The following CHM variants were observed in gnomAD, a reference collection of about 807,000 sequenced individuals.
CHM encodes rab proteins geranylgeranyltransferase component A 1.
Under a neutral mutation model 49.0 loss-of-function variants are expected in CHM, and 10 were observed. That is an observed-to-expected ratio of 0.20 (90% CI 0.13 to 0.35). The LOEUF (loss-of-function observed/expected upper bound fraction) is 0.35, where lower values mean the gene tolerates loss of function less well. Among genes scored for constraint, CHM ranks in the 10% least tolerant of loss-of-function variants. The pLI, the probability that CHM is intolerant of heterozygous loss-of-function variation, is 1.00. For synonymous variants in CHM, 184 were observed against 167.5 expected (o/e 1.10, Z -0.76); for missense variants, 455 against 478.4 (o/e 0.95, Z 0.46).
intron 8 of CHM, among the ~76,000 whole-genome samples, chrX:85,938,979 A>G (rs1468170982): frequency 1.8e-5 from 2 of 112,080 alleles, no homozygotes; most frequent in Admixed American, 1.9e-4. Context: ...AGATTCTAAT[A>G]CTGTATTTTT....
chrX:86,004,538 T>C (rs1020551718), intron 2 of CHM, among the ~76,000 whole-genome samples: 2 of 110,963 alleles, frequency 1.8e-5, no homozygotes, highest in South Asian at 3.8e-4. Context: ...AAGACGCACA[T>C]AGACTCAAAA....
At chrX:85,988,674 T>C (rs954448523) in intron 2 of CHM, among the ~76,000 whole-genome samples, 2 of 111,340 alleles carry the variant, frequency 1.8e-5, no homozygotes, top group African/African-American at 6.5e-5. Flanking sequence ...AAACCAATGT[T>C]CAAAAATCCC....
intron 2 of CHM, among the ~76,000 whole-genome samples, chrX:86,024,694 A>G (rs1344988183): frequency 8.9e-6 from 1 of 112,431 alleles, no homozygotes; most frequent in Non-Finnish European, 1.9e-5. Context: ...GATATAAGTG[A>G]AATTATGTTT....
chrX:85,951,223 T>C (rs1022089240), intron 8 of CHM, among the ~76,000 whole-genome samples: 15 of 111,337 alleles, frequency 1.3e-4, no homozygotes, highest in African/African-American at 4.9e-4. Flanking sequence ...GGAGAGATGA[T>C]CTAAATATAA....
intron 8 of CHM, among the ~76,000 whole-genome samples, chrX:85,926,972 G>A (rs1168297222): frequency 2.7e-5 from 3 of 111,637 alleles, no homozygotes; most frequent in African/African-American, 9.8e-5. Context: ...CTTTTCAGAA[G>A]TTTTGGAGAG....
intron 12 of CHM, among the ~76,000 whole-genome samples, chrX:85,883,977 C>T (rs971314343): frequency 6.4e-5 from 7 of 110,021 alleles, no homozygotes; most frequent in Non-Finnish European, 1.3e-4. Flanking sequence ...AAATGAATGT[C>T]GAATGGAAGG....
chrX:85,898,464 C>T (rs761061431), intron 11 of CHM, among the ~76,000 whole-genome samples: 47 of 111,634 alleles, frequency 4.2e-4, no homozygotes, highest in Non-Finnish European at 7.9e-4. Context: ...CTCTCCCTCT[C>T]TACTGGCTTC....
chrX:86,008,742 A>G (rs947291526), intron 2 of CHM, among the ~76,000 whole-genome samples: 1 of 111,518 alleles, frequency 9.0e-6, no homozygotes, highest in Non-Finnish European at 1.9e-5. Flanking sequence ...CTCTGTTGGA[A>G]CTAGTCAACA....
chrX:85,945,063 A>G (rs928316341), intron 8 of CHM, among the ~76,000 whole-genome samples: 1 of 111,404 alleles, frequency 9.0e-6, no homozygotes, highest in African/African-American at 3.3e-5. Flanking sequence ...TCTCACTTAT[A>G]AGTGGGAGCT....
At chrX:85,891,756 G>A (rs1925476347) in intron 12 of CHM, among the ~76,000 whole-genome samples, 2 of 112,127 alleles carry the variant, frequency 1.8e-5, no homozygotes, top group Non-Finnish European at 1.9e-5. Flanking sequence ...GCCTAGTGGA[G>A]CTGTGAGAAG....
chrX:85,876,790 T>C (rs759195314), intron 13 of CHM, among the ~76,000 whole-genome samples: 2 of 111,526 alleles, frequency 1.8e-5, no homozygotes, highest in South Asian at 7.6e-4. Context: ...CATTTCAAAA[T>C]GGGATCACTT....
chrX:86,021,125 C>CATATATATATAT (rs1569254991), intron 2 of CHM, among the ~76,000 whole-genome samples: 147 of 19,956 alleles, frequency 7.4e-3, no homozygotes, highest in Non-Finnish European at 8.8e-3. Context: ...TGTGTATATA[C>CATATATATATAT]GTATATATAT....
At chrX:85,928,319 G>C (rs1255238947) in intron 8 of CHM, among the ~76,000 whole-genome samples, 1 of 111,855 alleles carries the variant, frequency 8.9e-6, no homozygotes, top group Non-Finnish European at 1.9e-5. Context: ...GAGGCAGGCA[G>C]ATAATCTGAG....
intron 8 of CHM, among the ~76,000 whole-genome samples, chrX:85,941,232 G>A (rs1209989638): frequency 8.9e-6 from 1 of 111,749 alleles, no homozygotes; most frequent in Non-Finnish European, 1.9e-5. Flanking sequence ...ATTAGGCCCA[G>A]AGAACAATTC....
intron 1 of CHM, among the ~76,000 whole-genome samples, chrX:86,040,499 C>T (rs1934417995): frequency 1.8e-5 from 2 of 112,515 alleles, no homozygotes; most frequent in Admixed American, 1.9e-4. Flanking sequence ...GCTCCCTTCA[C>T]AAGTCCCATG....
At chrX:85,900,778 C>A (rs1926221575) in intron 10 of CHM, 69 bp from the exon 11 acceptor site, 2 of 763,582 alleles carry the variant, frequency 2.6e-6, no homozygotes, top group Admixed American at 2.5e-5. Flanking sequence ...AGTTATATAA[C>A]CACCAGAAGG....
intron 2 of CHM, among the ~76,000 whole-genome samples, chrX:86,024,641 T>C (rs1284617065): frequency 1.8e-5 from 2 of 111,853 alleles, no homozygotes; most frequent in Non-Finnish European, 3.8e-5. Flanking sequence ...GAAATGACAG[T>C]GGCATAAAGA....
intron 9 of CHM, among the ~76,000 whole-genome samples, chrX:85,902,535 A>AT (rs955250504): frequency 9.0e-6 from 1 of 110,972 alleles, no homozygotes; most frequent in Admixed American, 9.6e-5. Flanking sequence ...TATTTACATG[A>AT]TTTTTTTCCA....
At chrX:85,951,849 A>C (rs56404074) in intron 8 of CHM, among the ~76,000 whole-genome samples, 25,319 of 111,803 alleles carry the variant, frequency 0.23, 2,169 homozygotes, top group Middle Eastern at 0.26. Flanking sequence ...GTCAATGCCA[A>C]CCCTCCCCAA....
Sources: allele counts gnomAD v4.1 joint callset (sites outside exome capture counted in the v4.1 genomes callset), GRCh38; gene constraint gnomAD v4.1.1; transcripts MANE v1.5; gene names NCBI Gene and HGNC (gene_info 2026-07-23, HGNC 2026-07-21).